The following PSMA4 variants were observed in gnomAD, a reference collection of about 807,000 sequenced individuals.
PSMA4 encodes the protein proteasome subunit alpha type-4.
In PSMA4, 8 loss-of-function variants were observed where a neutral mutation model predicts 37.2. The ratio of observed to expected loss-of-function variants is 0.22; its 90% CI spans 0.13 to 0.39. The LOEUF is 0.39. Ranked by LOEUF, PSMA4 falls within the 10% of genes least tolerant of loss-of-function variation. The probability of loss-of-function intolerance (pLI) is 1.00; values close to 1 mark genes in which losing one functional copy is unlikely to be tolerated. For missense variants in PSMA4, 169 were observed against 305.1 expected (o/e 0.55, Z 3.32); for synonymous variants, 93 against 98.8 (o/e 0.94, Z 0.35).
intron 1 of PSMA4, chr15:78,541,041 C>T (rs1001025077): frequency 6.6e-6 from 1 of 152,384 alleles, no homozygotes; most frequent in Non-Finnish European, 1.5e-5. Flanking sequence ...CAGTTCGCTG[C>T]CCTCGGTCTC....
intron 7 of PSMA4, among the ~76,000 whole-genome samples, chr15:78,546,125 C>T (rs1356747342): frequency 2.0e-5 from 3 of 152,028 alleles, no homozygotes; most frequent in South Asian, 2.1e-4. Context: ...CACCCCGTGC[C>T]GTGTGTGCCC....
At chr15:78,542,671 TA>T (rs752756090) in intron 4 of PSMA4, 26 bp downstream of exon 4, 5 of 1,573,418 alleles carry the variant, frequency 3.2e-6, no homozygotes, top group South Asian at 1.2e-5. Flanking sequence ...GGAAAGAGTT[TA>T]AAAAAAATCT....
At chr15:78,544,783 C>A in intron 5 of PSMA4, 86 bp from the exon 6 acceptor site, 1 of 860,492 alleles carries the variant, frequency 1.2e-6, no homozygotes, top group Non-Finnish European at 1.9e-6. Context: ...GTCCCCATGG[C>A]ATAGATTGCT....
rs930377961 is a variant in PSMA4, at chr15:78,551,551, C to T, written c.*2607C>T. 4 of 151,942 alleles carry T rather than the reference C, an allele frequency of 2.6e-5. No homozygotes were observed. Among genetic ancestry groups the T allele is most frequent in the African/African-American group, 9.7e-5 (4 of 41,330 alleles). The allele number at this position is 151,942 out of a possible 1,614,324, so 9.4% of individuals were successfully genotyped here. On this transcript the variant is annotated 3_prime_UTR_variant, in exon 9 of 9. Coordinates refer to ENST00000044462, the MANE Select transcript of PSMA4 (RefSeq NM_002789.6). ...ACATTTTCTATTCCCTATACATACC[C>T]TGTTGAGTTTTTCTCCATAGCACTC...
intron 1 of PSMA4, 172 bp from the exon 2 acceptor site, chr15:78,541,733 A>G: frequency 1.6e-6 from 1 of 611,456 alleles, no homozygotes; most frequent in Admixed American, 3.2e-5. Context: ...AACTGCCAGT[A>G]TTAGCTTTTC....
rs574148494 is a variant in PSMA4 at position 78,552,197 on chromosome 15, C to CAGGG, written c.*3254_*3257dup. 17 of 152,292 alleles carry CAGGG rather than the reference C, an allele frequency of 1.1e-4. No individual in the cohort carries two copies. In the East Asian group the frequency reaches 3.3e-3, roughly 29 times the overall value. The allele number at this position is 152,292 out of a possible 1,614,324, so 9.4% of individuals were successfully genotyped here. A position where few individuals can be genotyped will look rare whatever the true frequency, so the allele number is the denominator to read the frequency against. ...GCTGCCTTAGCAATACACATCTGAA[C>CAGGG]AGGGGCCCATCACTAATAGCAAGCA... On this transcript the variant is annotated 3_prime_UTR_variant, in exon 9 of 9. Transcript: ENST00000044462.
rs1302861063 is a variant in PSMA4 at position 78,551,879 on chromosome 15, CT to C, written c.*2936del. The C allele has an allele frequency of 1.3e-5, 2 of 152,130 alleles. No homozygotes were observed. The highest frequency in any genetic ancestry group is 2.9e-5 in the Non-Finnish European group (2 of 68,032). The allele number at this position is 152,130 out of a possible 1,614,324, so 9.4% of individuals were successfully genotyped here. A position where few individuals can be genotyped will look rare whatever the true frequency, so the allele number is the denominator to read the frequency against. On this transcript the variant is annotated 3_prime_UTR_variant, in exon 9 of 9. Coordinates refer to ENST00000044462, the MANE Select transcript of PSMA4 (RefSeq NM_002789.6). ...CAAAGGCAATAGTGAATAAGAGAGC[CT>C]GGTATAGTTTGCCGCCACATTAGGA...
In PSMA4 at chr15:78,547,846, A is replaced by T. The variant is rs182510291; in HGVS notation, c.632-944A>T. ...AGAGAGACTCTGTCTCAAAAAAAAA[A>T]AGAATATTTCTAAATGTTTTTCAGA... On this transcript the variant is annotated intron_variant, in intron 8 of 8. Coordinates refer to ENST00000044462, the MANE Select transcript of PSMA4 (RefSeq NM_002789.6). 8.1e-4 allele frequency among the ~76,000 whole-genome samples: 124 copies of T among 152,192 alleles called. 1 individual carries two copies. Among genetic ancestry groups the T allele is most frequent in the African/African-American group, 2.9e-3 (122 of 41,536 alleles).
chr15:78,547,168 T>A (rs1464013700), intron 8 of PSMA4, among the ~76,000 whole-genome samples: 1 of 152,248 alleles, frequency 6.6e-6, no homozygotes, highest in Non-Finnish European at 1.5e-5. Context: ...CACTAGGGCT[T>A]AATGAGGTTA....
rs2052622796 is a variant in PSMA4 at position 78,550,078 on chromosome 15, T to C, written c.*1134T>C. On this transcript the variant is annotated 3_prime_UTR_variant, in exon 9 of 9. Transcript: ENST00000044462. ...TTTTTGAACTTCTAAATTATTCTCTTACTCTGTACAGCAGGTTCTCGTTAT... is the reference window on the plus strand; with the variant it reads ...TTTTTGAACTTCTAAATTATTCTCTCACTCTGTACAGCAGGTTCTCGTTAT... 6.6e-6 allele frequency: 1 copy of C among 152,236 alleles called. No homozygotes were observed. The highest frequency in any genetic ancestry group is 2.1e-4 in the South Asian group (1 of 4,832). The allele number at this position is 152,236 out of a possible 1,614,324, so 9.4% of individuals were successfully genotyped here.
chr15:78,541,970 A>C (rs1286022579), intron 2 of PSMA4, 40 bp downstream of exon 2: 37 of 1,587,768 alleles, frequency 2.3e-5, no homozygotes, highest in Non-Finnish European at 3.2e-5. Flanking sequence ...TGCCTGATAA[A>C]CAGTATTGCT....
chr15:78,545,093 A>G (rs539666769), intron 6 of PSMA4, 136 bp downstream of exon 6: 14 of 578,294 alleles, frequency 2.4e-5, no homozygotes, highest in Non-Finnish European at 4.1e-5. Flanking sequence ...GGCAAATAAG[A>G]ATTGTACATA....
rs977623799 is a variant in PSMA4 at position 78,550,352 on chromosome 15, G to A, written c.*1408G>A. On this transcript the variant is annotated 3_prime_UTR_variant, in exon 9 of 9. Transcript: ENST00000044462. ...GTTTTTGTTTTGTTTTGTTTTTTGA[G>A]ACTGGGTCTTGCTCTGTCACCCAGG... is the stretch of plus-strand genomic sequence containing the variant. 2.0e-5 allele frequency: 3 copies of A among 152,342 alleles called. No individual in the cohort carries two copies. The highest frequency in any genetic ancestry group is 2.9e-5 in the Non-Finnish European group (2 of 68,196). 9.4% of individuals were successfully genotyped at this position (152,342 alleles called of 1,614,324 possible).
chr15:78,544,197 GC>G lies in PSMA4; in HGVS notation c.218del (p.Ala73ValfsTer7). 1 of 1,613,246 alleles carries G rather than the reference GC, an allele frequency of 6.2e-7. No homozygotes were observed. Among genetic ancestry groups the G allele is most frequent in the Non-Finnish European group, 8.5e-7 (1 of 1,179,312 alleles). On this transcript the variant is annotated frameshift_variant, in exon 5 of 9. Coordinates refer to ENST00000044462, the MANE Select transcript of PSMA4 (RefSeq NM_002789.6). LOFTEE classifies it high-confidence loss of function. The part of the protein sequence containing the change: ...EKIYKLNEDM[A>X]CSVAGITSDA... Reference sequence around the variant, plus strand: ...TGTCTTTTTTTCTTCAAGGGACATGGCTTGCAGTGTGGCAGGCATAACTTCT... The same window carrying G: ...TGTCTTTTTTTCTTCAAGGGACATGGTTGCAGTGTGGCAGGCATAACTTCT...
At position 78,542,590 on chromosome 15, in the gene PSMA4, A is replaced by C; in HGVS notation, c.154A>C (p.Ile52Leu). ...TTTGCTTGCAGCAGAGAGACGCAAC[A>C]TCCACAAGCTTCTTGATGAAGTCTT... Reference protein sequence around the residue: ...GVLLAAERRNIHKLLDEVFFS... With the variant: ...GVLLAAERRNLHKLLDEVFFS... Residue 52 changes from isoleucine (I) to leucine (L), a missense_variant, in exon 4 of 9, where the codon ATC becomes CTC. Physicochemically the swap from Ile to Leu is conservative, Grantham distance 5. Transcript: ENST00000044462. 6.2e-7 allele frequency: 1 copy of C among 1,613,770 alleles called. No individual in the cohort carries two copies. Among genetic ancestry groups the C allele is most frequent in the South Asian group, 1.1e-5 (1 of 90,834 alleles).
In PSMA4 at chr15:78,550,172, G is replaced by A. The variant is rs1306213676; in HGVS notation, c.*1228G>A. The A allele has an allele frequency of 1.3e-5, 2 of 152,216 alleles. No individual in the cohort carries two copies. The highest frequency in any genetic ancestry group is 1.3e-4 in the Admixed American group (2 of 15,278). The allele number at this position is 152,216 out of a possible 1,614,324, so 9.4% of individuals were successfully genotyped here. On this transcript the variant is annotated 3_prime_UTR_variant, in exon 9 of 9. Coordinates refer to ENST00000044462, the MANE Select transcript of PSMA4 (RefSeq NM_002789.6). Reference sequence around the variant, plus strand: ...TACTGAACTCTTGCACCTAGAGAAAGTACTGGGTTAGGGTCCTACAAGCCA... The same window carrying A: ...TACTGAACTCTTGCACCTAGAGAAAATACTGGGTTAGGGTCCTACAAGCCA...
In PSMA4 at chr15:78,548,810, A is replaced by G; in HGVS notation, c.652A>G (p.Arg218Gly). 6.2e-7 allele frequency: 1 copy of G among 1,607,648 alleles called. No homozygotes were observed. The highest frequency in any genetic ancestry group is 2.2e-5 in the East Asian group (1 of 44,854). ...TTTAGTGGAAATTGCAACACTAACA[A>G]GAGAGAATGGAAAGACAGTAATCAG... is the stretch of plus-strand genomic sequence containing the variant. ...AEKVEIATLT[R>G]ENGKTVIRVL... Residue 218 changes from arginine to glycine, a missense_variant, in exon 9 of 9, where the codon AGA becomes GGA. Physicochemically the swap from Arg to Gly is moderately radical, Grantham distance 125. This residue lies in a region of PSMA4 where 90 missense variants were observed against 92.7 expected (regional missense o/e 0.97). Transcript: ENST00000044462.
intron 2 of PSMA4, 69 bp from the exon 3 acceptor site, chr15:78,542,108 A>G (rs1327315205): frequency 6.5e-7 from 1 of 1,530,872 alleles, no homozygotes; most frequent in African/African-American, 1.4e-5. Flanking sequence ...TTGTAAGATC[A>G]TTTGTAGGCT....
chr15:78,549,156 A>G lies in PSMA4; in HGVS notation c.*212A>G. On this transcript the variant is annotated 3_prime_UTR_variant, in exon 9 of 9. Transcript: ENST00000044462. ...ATGGACGTCTTAATCTTCCACACAC[A>G]TCCCCTTTTTTTGGAATAAAATTTG... 1.6e-6 allele frequency: 1 copy of G among 638,786 alleles called. No individual in the cohort carries two copies. Among genetic ancestry groups the G allele is most frequent in the Non-Finnish European group, 2.2e-6 (1 of 463,406 alleles). 39.6% of individuals were successfully genotyped at this position (638,786 alleles called of 1,614,324 possible).
Sources: gnomAD v4.1 joint callset for allele counts (sites outside exome capture counted in the v4.1 genomes callset) on GRCh38, gnomAD v4.1.1 for gene constraint, gnomAD v4.1.1 regional missense constraint, MANE v1.5 for transcripts, NCBI Gene and HGNC (gene_info 2026-07-23, HGNC 2026-07-21) for gene names.